The following ANK2 variants were observed in gnomAD, a reference collection of about 807,000 sequenced individuals.
ANK2 encodes ankyrin 2.
Under a neutral mutation model 360.5 loss-of-function variants are expected in ANK2, and 83 were observed. The observed-to-expected ratio is 0.23, with a 90% confidence interval of 0.19 to 0.28. ANK2 has a LOEUF of 0.28. ANK2 is among the 10% of genes least tolerant of loss of function. ANK2 has a pLI of 1.00. For missense variants in ANK2, 4,201 were observed against 4,795.7 expected (o/e 0.88, Z 3.66); for synonymous variants, 1,740 against 1,759.5 (o/e 0.99, Z 0.28).
chr4:112,913,064 G>A (rs72892432), intron 2 of ANK2, among the ~76,000 whole-genome samples: 17,727 of 151,808 alleles, frequency 0.12, 1,782 homozygotes, highest in East Asian at 0.33. Context: ...ACATAGGCTC[G>A]GGATGCCTAT....
intron 1 of ANK2, among the ~76,000 whole-genome samples, chr4:113,157,971 G>A (rs413019): frequency 0.69 from 104,261 of 152,114 alleles, 36,298 homozygotes; most frequent in African/African-American, 0.8. Flanking sequence ...TGTGGTAAAA[G>A]GTGTGAGAAC....
the ANK2 span, among the ~76,000 whole-genome samples, chr4:112,709,891 A>G: frequency 6.6e-6 from 1 of 152,084 alleles, no homozygotes; most frequent in Non-Finnish European, 1.5e-5. Context: ...GTGCCAGAAA[A>G]CTTCAGTGTC....
At chr4:113,035,334 T>C (rs1158986804) in intron 2 of ANK2, among the ~76,000 whole-genome samples, 3 of 151,880 alleles carry the variant, frequency 2.0e-5, no homozygotes, top group African/African-American at 7.2e-5. Flanking sequence ...GAAAGTTTAA[T>C]GTAGTTTGCC....
chr4:113,357,794 T>C lies in ANK2; in HGVS notation c.9176T>C (p.Val3059Ala), dbSNP rs1329451561. The C allele has an allele frequency of 6.2e-7, 1 of 1,613,838 alleles. No homozygotes were observed. Among genetic ancestry groups the C allele is most frequent in the African/African-American group, 1.3e-5 (1 of 74,970 alleles). ...REDDEAFEAR[V>A]KEEEQKIFGL... ...GACGATGAAGCCTTTGAGGCTCGTG[T>C]GAAAGAGGAAGAACAAAAGATATTT... Residue 3059 changes from valine (V) to alanine (A), a missense_variant, in exon 38 of 46, where the codon GTG (valine) becomes GCG (alanine). Transcript: ENST00000357077.
chr4:113,250,641 A>G (rs1018191946), intron 10 of ANK2, among the ~76,000 whole-genome samples: 2 of 152,128 alleles, frequency 1.3e-5, no homozygotes, highest in Non-Finnish European at 2.9e-5. Flanking sequence ...GGAGATACTC[A>G]TACAGAGCTG....
chr4:112,705,707 T>A, the ANK2 span, among the ~76,000 whole-genome samples: 1 of 152,168 alleles, frequency 6.6e-6, no homozygotes, highest in Non-Finnish European at 1.5e-5. Context: ...CATATAGACA[T>A]ATTTCTGGGA....
At chr4:113,038,235 C>T (rs139127643) in intron 2 of ANK2, among the ~76,000 whole-genome samples, 34 of 151,986 alleles carry the variant, frequency 2.2e-4, no homozygotes, top group Non-Finnish European at 4.4e-4. Context: ...GAAAGAATTC[C>T]GGTGAATTGA....
At chr4:112,905,684 C>A (rs1178616992) in intron 2 of ANK2, among the ~76,000 whole-genome samples, 2 of 152,140 alleles carry the variant, frequency 1.3e-5, no homozygotes, top group Non-Finnish European at 2.9e-5. Flanking sequence ...TTTTTTGAGA[C>A]AGGGTCTCCC....
chr4:113,292,218 C>T (rs1160998281), intron 20 of ANK2, among the ~76,000 whole-genome samples, 198 bp from the exon 21 acceptor site: 1 of 152,124 alleles, frequency 6.6e-6, no homozygotes, highest in Non-Finnish European at 1.5e-5. Flanking sequence ...ATCAGCTGGT[C>T]TCTTCTCTTT....
intron 45 of ANK2, among the ~76,000 whole-genome samples, chr4:113,377,473 C>CA (rs889976540): frequency 1.3e-5 from 2 of 152,074 alleles, no homozygotes; most frequent in South Asian, 2.1e-4. Context: ...CCAAAAGGGA[C>CA]AAAAAAATCT....
intron 2 of ANK2, among the ~76,000 whole-genome samples, chr4:112,953,660 T>C (rs1238020190): frequency 6.6e-6 from 1 of 152,262 alleles, no homozygotes; most frequent in East Asian, 1.9e-4. Context: ...AATTAAACTT[T>C]TGACATTCTC....
chr4:112,791,600 T>C, the ANK2 span, among the ~76,000 whole-genome samples: 5 of 150,258 alleles, frequency 3.3e-5, no homozygotes, highest in African/African-American at 7.3e-5. Context: ...ACCATTCTCC[T>C]GCTTCAGCCT....
At chr4:113,258,179 A>G (rs2050548321) in intron 12 of ANK2, 31 bp downstream of exon 12, 1 of 1,588,308 alleles carries the variant, frequency 6.3e-7, no homozygotes, top group Non-Finnish European at 8.6e-7. Flanking sequence ...GTCACAAAGC[A>G]TTCCTTCTCT....
At chr4:113,251,949 C>T (rs572969882) in intron 10 of ANK2, among the ~76,000 whole-genome samples, 2 of 152,220 alleles carry the variant, frequency 1.3e-5, no homozygotes, top group East Asian at 1.9e-4. Flanking sequence ...GAATAGGTAC[C>T]TAATGCTAGA....
intron 2 of ANK2, among the ~76,000 whole-genome samples, chr4:112,988,989 T>A (rs776015039): frequency 6.6e-6 from 1 of 152,226 alleles, no homozygotes; most frequent in Non-Finnish European, 1.5e-5. Flanking sequence ...GTTTTCTCTG[T>A]GTAGACAAAT....
chr4:112,961,544 A>G (rs889387283), intron 2 of ANK2, among the ~76,000 whole-genome samples: 3 of 152,156 alleles, frequency 2.0e-5, no homozygotes, highest in Non-Finnish European at 4.4e-5. Context: ...ATTAAAATAT[A>G]CTACAGACCA....
At chr4:112,839,217 C>T (rs1308092717) in intron 1 of ANK2, among the ~76,000 whole-genome samples, 1 of 152,190 alleles carries the variant, frequency 6.6e-6, no homozygotes, top group African/African-American at 2.4e-5. Flanking sequence ...ACATACTGTA[C>T]TTTCATTCAC....
At position 113,345,756 on chromosome 4, in the gene ANK2, TAATAGG is replaced by T. The variant is rs1195778949; in HGVS notation, c.4249-141_4249-136del. Reference sequence around the variant, plus strand: ...ATTTTTAAAAAGGCTTTCCAAATGGTAATAGGAAAAGAGAAAGGAAATCCTTTGAGT... The same window carrying T: ...ATTTTTAAAAAGGCTTTCCAAATGGTAAAAGAGAAAGGAAATCCTTTGAGT... On this transcript the variant is annotated intron_variant, in intron 34 of 45. Coordinates refer to ENST00000357077, the MANE Select transcript of ANK2 (RefSeq NM_001148.6). 10 of 1,167,776 alleles carry T rather than the reference TAATAGG, an allele frequency of 8.6e-6. No homozygotes were observed. The Admixed American group carries it at 2.1e-4, about 25-fold the overall frequency. The allele number at this position is 1,167,776 out of a possible 1,614,324, so 72.3% of individuals were successfully genotyped here.
At chr4:112,886,054 T>C (rs1042560067) in intron 1 of ANK2, among the ~76,000 whole-genome samples, 3 of 152,042 alleles carry the variant, frequency 2.0e-5, no homozygotes, top group African/African-American at 7.2e-5. Flanking sequence ...TTGAGTATGC[T>C]GAGGCAGCTG....
Sources: allele counts gnomAD v4.1 joint callset (sites outside exome capture counted in the v4.1 genomes callset), GRCh38; gene constraint gnomAD v4.1.1; transcripts MANE v1.5; gene names NCBI Gene and HGNC (gene_info 2026-07-23, HGNC 2026-07-21).